Variants in TRAK1 observed in about 807,000 individuals in gnomAD.
The protein encoded by TRAK1 is trafficking kinesin protein 1.
A neutral mutation model predicts 92.1 loss-of-function variants in TRAK1; 33 were observed. The ratio of observed to expected loss-of-function variants is 0.36; its 90% CI spans 0.27 to 0.48. The LOEUF (loss-of-function observed/expected upper bound fraction) is 0.48. Ranked by LOEUF, TRAK1 falls within the 20% of genes least tolerant of loss-of-function variation. The pLI is 0.99. For synonymous variants in TRAK1, 521 were observed against 517.3 expected (o/e 1.01, Z -0.10); for missense variants, 1,123 against 1,257.9 (o/e 0.89, Z 1.62).
intron 3 of TRAK1, among the ~76,000 whole-genome samples, chr3:42,183,289 T>G (rs1463195): frequency 6.6e-6 from 1 of 151,886 alleles, no homozygotes; most frequent in Non-Finnish European, 1.5e-5. Context: ...GGCGCAGTGG[T>G]TCACACCTGT....
At chr3:42,218,433 A>C (rs1158660019) in intron 14 of TRAK1, 4 of 150,642 alleles carry the variant, frequency 2.7e-5, no homozygotes, top group Non-Finnish European at 3.3e-5. Context: ...GAGCTGCTAC[A>C]GGGGCAGAGG....
intron 14 of TRAK1, among the ~76,000 whole-genome samples, chr3:42,215,733 C>G (rs960953591): frequency 5.3e-5 from 8 of 152,168 alleles, no homozygotes; most frequent in African/African-American, 1.9e-4. Context: ...TTTTGAGATG[C>G]TTTTGTAAAT....
intron 2 of TRAK1, chr3:42,151,479 A>G (rs1576641865): frequency 2.4e-6 from 1 of 409,384 alleles, no homozygotes; most frequent in Non-Finnish European, 4.8e-6. Context: ...TATTGTCTGA[A>G]TGTATGTTGA....
intron 2 of TRAK1, among the ~76,000 whole-genome samples, chr3:42,159,193 G>A (rs375354322): frequency 3.9e-5 from 6 of 152,016 alleles, no homozygotes; most frequent in Admixed American, 6.6e-5. Flanking sequence ...TATGGTTCCC[G>A]AACTTGTGTA....
In TRAK1 at chr3:42,200,917, G is replaced by A. The variant is rs201859615; in HGVS notation, c.1290G>A (p.Gln430=). The change falls in exon 12 of 16, where the codon CAG becomes CAA. Residue 430 remains glutamine (Q), a synonymous_variant. Coordinates refer to ENST00000327628, the MANE Select transcript of TRAK1 (RefSeq NM_001042646.3). ...PSPMNIPGSN[Q]SSAMNSLLSS... ...CCATGAACATCCCCGGCTCCAACCA[G>A]TCCTCGGCCATGAACTCCCTCCTGT... 19 of 1,614,168 alleles carry A rather than the reference G, an allele frequency of 1.2e-5. No individual in the cohort carries two copies. In the African/African-American group the frequency reaches 2.3e-4, roughly 19 times the overall value.
intron 1 of TRAK1, among the ~76,000 whole-genome samples, chr3:42,119,245 G>A (rs990862544): frequency 6.6e-6 from 1 of 152,226 alleles, no homozygotes; most frequent in African/African-American, 2.4e-5. Flanking sequence ...CCAGAGAAGA[G>A]AGGTTAAGGG....
At chr3:42,068,169 A>AG (rs1160818368) in intron 1 of TRAK1, among the ~76,000 whole-genome samples, 1 of 152,012 alleles carries the variant, frequency 6.6e-6, no homozygotes, top group East Asian at 1.9e-4. Flanking sequence ...AAAAAAAAAA[A>AG]AGAAGAAACA....
At chr3:42,176,735 G>C in intron 2 of TRAK1, 79 bp from the exon 3 acceptor site, 1 of 1,346,000 alleles carries the variant, frequency 7.4e-7, no homozygotes, top group Non-Finnish European at 1.1e-6. Flanking sequence ...CACAACATTA[G>C]GGGCACTTTT....
intron 1 of TRAK1, among the ~76,000 whole-genome samples, chr3:42,015,852 C>A (rs888377261): frequency 6.6e-6 from 1 of 151,996 alleles, no homozygotes; most frequent in Admixed American, 6.5e-5. Context: ...GCCTGGCCAA[C>A]ATGGTGAAAC....
In TRAK1 at chr3:42,169,239, G is replaced by GT. The variant is rs1163914205; in HGVS notation, c.287-7566dup. On this transcript the variant is annotated intron_variant, in intron 2 of 15. Transcript: ENST00000327628. ...CATACAATATGTGGTATTTTCGTGT[G>GT]TTTTTTTTTCTGAGCATAAGGATTT... 5.7e-3 allele frequency among the ~76,000 whole-genome samples: 834 copies of GT among 147,356 alleles called. 14 individuals are homozygous for GT. The highest frequency in any genetic ancestry group is 0.02 in the African/African-American group (778 of 39,380).
intron 1 of TRAK1, among the ~76,000 whole-genome samples, chr3:42,104,049 G>A (rs548406202): frequency 3.9e-4 from 59 of 152,272 alleles, no homozygotes; most frequent in Middle Eastern, 6.8e-3. Context: ...AGGGTCCCAC[G>A]CCCACGGAAC....
intron 1 of TRAK1, among the ~76,000 whole-genome samples, chr3:42,014,873 A>C (rs188440029): frequency 1.2e-3 from 182 of 151,492 alleles, no homozygotes; most frequent in African/African-American, 4.0e-3. Flanking sequence ...CGTTGTCAAT[A>C]CTGTCTGTGA....
intron 1 of TRAK1, among the ~76,000 whole-genome samples, chr3:42,066,325 CA>C (rs1027546557): frequency 6.6e-6 from 1 of 151,360 alleles, no homozygotes; most frequent in African/African-American, 2.4e-5. Context: ...GACTCTGTCT[CA>C]AAAAAAAGAA....
intron 1 of TRAK1, among the ~76,000 whole-genome samples, chr3:42,045,047 C>G (rs1391807843): frequency 6.6e-6 from 1 of 152,084 alleles, no homozygotes; most frequent in Admixed American, 6.6e-5. Flanking sequence ...AAGGAGAAAT[C>G]TATTGTTACC....
intron 4 of TRAK1, among the ~76,000 whole-genome samples, chr3:42,186,463 C>G (rs1704873619): frequency 6.6e-6 from 1 of 152,116 alleles, no homozygotes; most frequent in Non-Finnish European, 1.5e-5. Context: ...AGTTTTAATC[C>G]TGGGCTTTAA....
Position 42,170,603 on chromosome 3 carries a change from C to T in TRAK1, c.287-6211C>T, listed in dbSNP as rs1029506932. Among the ~76,000 whole-genome samples, 12 of 152,152 alleles carry T rather than the reference C, an allele frequency of 7.9e-5. 1 individual carries two copies. Among genetic ancestry groups the T allele is most frequent in the African/African-American group, 2.9e-4 (12 of 41,418 alleles). ...TACGTGTCTACTTTGAATGTTTATT[C>T]AATCCCTTTGCAGTTTTTATAATGA... On this transcript the variant is annotated intron_variant, in intron 2 of 15. Coordinates refer to ENST00000327628, the MANE Select transcript of TRAK1 (RefSeq NM_001042646.3).
intron 4 of TRAK1, among the ~76,000 whole-genome samples, chr3:42,187,577 C>T (rs1003232227): frequency 5.9e-5 from 9 of 152,144 alleles, no homozygotes; most frequent in African/African-American, 2.2e-4. Flanking sequence ...AAGCAATTCT[C>T]CTGCCTCAGC....
At chr3:42,060,931 T>C (rs550122531) in intron 1 of TRAK1, among the ~76,000 whole-genome samples, 2 of 152,122 alleles carry the variant, frequency 1.3e-5, no homozygotes, top group South Asian at 4.2e-4. Flanking sequence ...GCGCCCGGCC[T>C]TTTTTGTTGT....
intron 1 of TRAK1, among the ~76,000 whole-genome samples, chr3:42,040,708 A>G (rs1198692543): frequency 6.9e-6 from 1 of 144,150 alleles, no homozygotes. Context: ...ACGGAGTCTC[A>G]CTCTGTCACC....
Sources: gnomAD v4.1 joint callset for allele counts (sites outside exome capture counted in the v4.1 genomes callset) on GRCh38, gnomAD v4.1.1 for gene constraint, MANE v1.5 for transcripts, NCBI Gene and HGNC (gene_info 2026-07-23, HGNC 2026-07-21) for gene names.